LMX1A: variants seen among roughly 807,000 people sequenced by gnomAD.
LMX1A encodes LIM homeobox transcription factor 1-alpha.
LMX1A carries 15 observed loss-of-function variants against 49.1 expected under a neutral mutation model. The observed-to-expected ratio is 0.31, with a 90% confidence interval of 0.20 to 0.47. The LOEUF (loss-of-function observed/expected upper bound fraction) is 0.47. LMX1A is among the 20% of genes least tolerant of loss of function. The probability of loss-of-function intolerance (pLI) is 1.00; values close to 1 mark genes in which losing one functional copy is unlikely to be tolerated. For missense variants in LMX1A, 372 were observed against 475.8 expected, an observed-to-expected ratio of 0.78 and a Z score of 2.03; for synonymous variants, 167 against 185.7, an observed-to-expected ratio of 0.90 and a Z score of 0.82.
At chr1:165,337,442 C>G (rs1655929579) in intron 3 of LMX1A, among the ~76,000 whole-genome samples, 1 of 152,128 alleles carries the variant, frequency 6.6e-6, no homozygotes, top group Admixed American at 6.5e-5. Flanking sequence ...AATAGTAGAT[C>G]CTATACCAAA....
chr1:165,318,999 TCACACACACACACACA>T (rs35582531), intron 3 of LMX1A, among the ~76,000 whole-genome samples: 3 of 117,754 alleles, frequency 2.5e-5, no homozygotes, highest in African/African-American at 7.0e-5. Context: ...TCTCTCTCTC[TCACACACACACACACA>T]CACACACACA....
chr1:165,356,546 C>T lies in LMX1A; in HGVS notation c.-214G>A, dbSNP rs929934428. 6.6e-6 allele frequency: 1 copy of T among 152,172 alleles called. No homozygotes were observed. Among genetic ancestry groups the T allele is most frequent in the African/African-American group, 2.4e-5 (1 of 41,434 alleles). The allele number at this position is 152,172 out of a possible 1,614,324, so 9.4% of individuals were successfully genotyped here. ...GCTCCTCGGCGCGCCCAGGCTGGGCCGGGACGTGGTCGCGAGCTGCCGGCC... is the reference window on the plus strand; with the variant it reads ...GCTCCTCGGCGCGCCCAGGCTGGGCTGGGACGTGGTCGCGAGCTGCCGGCC... On this transcript the variant is annotated 5_prime_UTR_variant, in exon 1 of 9. Coordinates refer to ENST00000342310, the MANE Select transcript of LMX1A (RefSeq NM_177398.4).
chr1:165,209,202 C>T (rs1489517391), intron 6 of LMX1A, among the ~76,000 whole-genome samples: 1 of 152,158 alleles, frequency 6.6e-6, no homozygotes, highest in East Asian at 1.9e-4. Context: ...CATCAACAGC[C>T]CTGTTCTGAG....
intron 4 of LMX1A, among the ~76,000 whole-genome samples, chr1:165,225,926 C>A (rs16841290): frequency 6.6e-6 from 1 of 152,152 alleles, no homozygotes; most frequent in Non-Finnish European, 1.5e-5. Context: ...CACATTCTTA[C>A]TTTCAGTCAA....
At chr1:165,242,430 T>C (rs1162012256) in intron 4 of LMX1A, among the ~76,000 whole-genome samples, 1 of 149,590 alleles carries the variant, frequency 6.7e-6, no homozygotes, top group Admixed American at 6.7e-5. Context: ...CAAACTGGTC[T>C]TCAGGAAGAA....
At position 165,205,943 on chromosome 1, in the gene LMX1A, C is replaced by T. The variant is rs1291221569; in HGVS notation, c.909G>A (p.Glu303=). Residue 303 remains glutamate, a synonymous_variant, in exon 8 of 9, where the codon GAG becomes GAA. Coordinates refer to ENST00000342310, the MANE Select transcript of LMX1A (RefSeq NM_177398.4). ...LPTPQQLLAI[E]QSVYSSDPFR... ...AGGGATCTGAGCTGTAGACACTCTG[C>T]TCGATGGCCAGGAGCTGCTGTGGGG... 3.1e-6 allele frequency: 5 copies of T among 1,613,782 alleles called. No homozygotes were observed. In the South Asian group the frequency reaches 5.5e-5, roughly 18 times the overall value.
chr1:165,340,679 A>G (rs1041435710), intron 3 of LMX1A, among the ~76,000 whole-genome samples: 4 of 152,040 alleles, frequency 2.6e-5, no homozygotes, highest in African/African-American at 9.7e-5. Flanking sequence ...TTCTTTCACA[A>G]CTGCCTCCTG....
chr1:165,265,489 AG>A (rs1214252542), intron 3 of LMX1A, among the ~76,000 whole-genome samples: 2 of 152,122 alleles, frequency 1.3e-5, no homozygotes, highest in Non-Finnish European at 2.9e-5. Flanking sequence ...CCCTTTCAAA[AG>A]GCTTGTAGAT....
intron 3 of LMX1A, among the ~76,000 whole-genome samples, chr1:165,285,197 A>G (rs1001467656): frequency 3.9e-5 from 6 of 152,194 alleles, no homozygotes; most frequent in African/African-American, 1.4e-4. Flanking sequence ...CCTCTGCTTC[A>G]TAGTTTTGGC....
intron 3 of LMX1A, among the ~76,000 whole-genome samples, chr1:165,310,449 C>T (rs930645514): frequency 2.0e-5 from 3 of 152,162 alleles, no homozygotes; most frequent in African/African-American, 7.2e-5. Context: ...GTCAAAGTTG[C>T]CTCTATCAAA....
chr1:165,212,308 G>C (rs562705126), intron 5 of LMX1A, among the ~76,000 whole-genome samples: 3 of 152,224 alleles, frequency 2.0e-5, no homozygotes, highest in African/African-American at 7.2e-5. Flanking sequence ...AGAGATTTTC[G>C]ATGGGCTTCC....
intron 3 of LMX1A, among the ~76,000 whole-genome samples, chr1:165,349,223 C>A (rs1476676575): frequency 6.6e-6 from 1 of 152,202 alleles, no homozygotes; most frequent in African/African-American, 2.4e-5. Flanking sequence ...ACCACATTCC[C>A]GTTATTCAGC....
At chr1:165,330,010 C>A (rs911551936) in intron 3 of LMX1A, among the ~76,000 whole-genome samples, 3 of 152,190 alleles carry the variant, frequency 2.0e-5, no homozygotes, top group African/African-American at 7.2e-5. Flanking sequence ...CTGTTAACAA[C>A]AACTGACATG....
intron 3 of LMX1A, among the ~76,000 whole-genome samples, chr1:165,306,876 G>A (rs559827464): frequency 1.3e-4 from 20 of 152,280 alleles, no homozygotes; most frequent in Non-Finnish European, 2.5e-4. Context: ...AGCTGTGTGC[G>A]CCATACCACC....
At chr1:165,213,863 G>T (rs754928034) in intron 4 of LMX1A, 50 bp from the exon 5 acceptor site, 2 of 1,572,736 alleles carry the variant, frequency 1.3e-6, no homozygotes, top group Admixed American at 1.7e-5. Flanking sequence ...CCAGTTCCTG[G>T]AGCTGTATGT....
chr1:165,276,780 G>A (rs983329183), intron 3 of LMX1A, among the ~76,000 whole-genome samples: 2 of 152,198 alleles, frequency 1.3e-5, no homozygotes, highest in African/African-American at 4.8e-5. Context: ...AAGGAGGATA[G>A]CATCAGTAAG....
At chr1:165,245,655 T>A (rs1410006701) in intron 4 of LMX1A, among the ~76,000 whole-genome samples, 1 of 151,584 alleles carries the variant, frequency 6.6e-6, no homozygotes, top group East Asian at 1.9e-4. Context: ...ATACTGAAAC[T>A]ATAATTACAC....
chr1:165,351,689 G>A (rs1449230633), intron 3 of LMX1A, among the ~76,000 whole-genome samples: 2 of 152,170 alleles, frequency 1.3e-5, no homozygotes, highest in Non-Finnish European at 2.9e-5. Flanking sequence ...GTTAAAATTC[G>A]AGAATTTTAG....
chr1:165,254,915 A>T (rs1325428322), intron 3 of LMX1A, among the ~76,000 whole-genome samples: 4 of 152,208 alleles, frequency 2.6e-5, no homozygotes, highest in Non-Finnish European at 4.4e-5. Flanking sequence ...TCTGCAAATG[A>T]TTCCTTATCT....
Sources: allele counts gnomAD v4.1 joint callset (sites outside exome capture counted in the v4.1 genomes callset), GRCh38; gene constraint gnomAD v4.1.1; transcripts MANE v1.5; gene names NCBI Gene and HGNC (gene_info 2026-07-23, HGNC 2026-07-21).